FTCDNL1: variants seen among roughly 807,000 people sequenced by gnomAD.
FTCDNL1 encodes formiminotransferase N-terminal subdomain-containing protein.
In FTCDNL1, 11 loss-of-function variants were observed where a neutral mutation model predicts 5.9. The observed-to-expected ratio is 1.87, with a 90% confidence interval of 1.18 to 3.10. The LOEUF (loss-of-function observed/expected upper bound fraction) is 3.10, where lower values mean the gene tolerates loss of function less well. Among genes scored for constraint, FTCDNL1 ranks in the 30% most tolerant of loss-of-function variants. The pLI is 0.00. For missense variants in FTCDNL1, 115 were observed against 65.5 expected (o/e 1.76, Z -2.61); for synonymous variants, 58 against 24.8 (o/e 2.34, Z -3.99).
the FTCDNL1 span, among the ~76,000 whole-genome samples, chr2:199,693,420 T>C: frequency 1.3e-5 from 2 of 152,246 alleles, no homozygotes; most frequent in African/African-American, 4.8e-5. Flanking sequence ...GTATACTTTT[T>C]ACTCCATGAC....
At chr2:199,838,999 C>T (rs1559241822) in intron 3 of FTCDNL1, among the ~76,000 whole-genome samples, 6 of 151,638 alleles carry the variant, frequency 4.0e-5, no homozygotes, top group Admixed American at 3.3e-4. Context: ...GAGGAAAGAC[C>T]AAAAAAATAC....
chr2:199,736,713 G>A, the FTCDNL1 span, among the ~76,000 whole-genome samples: 1 of 152,224 alleles, frequency 6.6e-6, no homozygotes, highest in Non-Finnish European at 1.5e-5. Context: ...CTTGACTAGT[G>A]TCATTCGGCA....
chr2:199,783,887 G>A (rs922183983), intron 3 of FTCDNL1, among the ~76,000 whole-genome samples: 1 of 152,050 alleles, frequency 6.6e-6, no homozygotes, highest in African/African-American at 2.4e-5. Flanking sequence ...GTTCAACCAT[G>A]CTACAATGCT....
At chr2:199,817,932 T>C (rs1323033537) in intron 4 of FTCDNL1, among the ~76,000 whole-genome samples, 1 of 152,212 alleles carries the variant, frequency 6.6e-6, no homozygotes, top group East Asian at 1.9e-4. Flanking sequence ...AGTTTGTTCT[T>C]AGGAAACTAA....
At chr2:199,818,203 G>A (rs937414121) in intron 4 of FTCDNL1, among the ~76,000 whole-genome samples, 3 of 152,132 alleles carry the variant, frequency 2.0e-5, no homozygotes, top group Non-Finnish European at 4.4e-5. Context: ...CTTTAGGGAG[G>A]CTCAAATTAG....
At chr2:199,681,571 A>C in the FTCDNL1 span, among the ~76,000 whole-genome samples, 10 of 152,198 alleles carry the variant, frequency 6.6e-5, no homozygotes, top group African/African-American at 2.4e-4. Context: ...AAAGGGGATG[A>C]GAGCAAGTTC....
chr2:199,747,064 CAT>C, the FTCDNL1 span, among the ~76,000 whole-genome samples: 33 of 144,076 alleles, frequency 2.3e-4, no homozygotes, highest in African/African-American at 7.5e-4. Flanking sequence ...CACACACACA[CAT>C]ACACACACAA....
downstream of FTCDNL1, among the ~76,000 whole-genome samples, chr2:199,759,329 T>C (rs559182450): frequency 1.3e-5 from 2 of 151,340 alleles, no homozygotes; most frequent in East Asian, 3.9e-4. Flanking sequence ...TTCATATAGG[T>C]ATTATTTGTG....
At position 199,812,734 on chromosome 2, in the gene FTCDNL1, A is replaced by C; in HGVS notation, c.398-10T>G. The C allele has an allele frequency of 1.4e-6, 1 of 698,580 alleles. No homozygotes were observed. The highest frequency in any genetic ancestry group is 2.6e-6 in the Non-Finnish European group (1 of 383,450). The allele number at this position is 698,580 out of a possible 1,614,324, so 43.3% of individuals were successfully genotyped here. A position where few individuals can be genotyped will look rare whatever the true frequency, so the allele number is the denominator to read the frequency against. On this transcript the variant is annotated splice_polypyrimidine_tract_variant and intron_variant, in intron 4 of 4. Transcript: ENST00000420128. ...AACGCCCTGAAGCAAGCTAAAAACA[A>C]GGAAAAAAATCTTTGGTATGATTTC... is the stretch of plus-strand genomic sequence containing the variant.
chr2:199,801,473 T>C (rs1700446472), intron 3 of FTCDNL1, among the ~76,000 whole-genome samples: 1 of 151,816 alleles, frequency 6.6e-6, no homozygotes, highest in African/African-American at 2.4e-5. Flanking sequence ...ATGGTGAGAC[T>C]CCGTCTCTAT....
chr2:199,716,922 T>G, the FTCDNL1 span, among the ~76,000 whole-genome samples: 1 of 152,036 alleles, frequency 6.6e-6, no homozygotes, highest in African/African-American at 2.4e-5. Context: ...TGCCCCTAAT[T>G]AAGGGCTTGG....
intron 3 of FTCDNL1, among the ~76,000 whole-genome samples, chr2:199,776,947 GATGTGTGTATAT>G (rs1559177794): frequency 7.1e-6 from 1 of 140,678 alleles, no homozygotes; most frequent in East Asian, 2.3e-4. Context: ...CACACACAGA[GATGTGTGTATAT>G]GTGTGTGTGT....
chr2:199,703,736 G>A, the FTCDNL1 span, among the ~76,000 whole-genome samples: 65 of 152,214 alleles, frequency 4.3e-4, no homozygotes, highest in East Asian at 4.6e-3. Flanking sequence ...TAACAAACCT[G>A]CACATGTACC....
chr2:199,718,676 T>TA, the FTCDNL1 span, among the ~76,000 whole-genome samples: 1 of 152,202 alleles, frequency 6.6e-6, no homozygotes, highest in African/African-American at 2.4e-5. Context: ...TAACAGTGTA[T>TA]AAGCATTCCC....
intron 3 of FTCDNL1, among the ~76,000 whole-genome samples, chr2:199,840,276 CA>C (rs780904536): frequency 1.1e-4 from 17 of 152,036 alleles, no homozygotes; most frequent in Admixed American, 2.6e-4. Context: ...AACAAATTAT[CA>C]AAAAGATAAT....
chr2:199,841,593 T>A (rs1201224957), intron 3 of FTCDNL1, among the ~76,000 whole-genome samples: 1 of 152,160 alleles, frequency 6.6e-6, no homozygotes, highest in Non-Finnish European at 1.5e-5. Context: ...TCACGATGAA[T>A]CATTTAGAAC....
intron 2 of FTCDNL1, among the ~76,000 whole-genome samples, chr2:199,847,622 A>C (rs966386816): frequency 2.0e-5 from 3 of 152,236 alleles, no homozygotes; most frequent in African/African-American, 7.2e-5. Context: ...TGGTATTTGT[A>C]ATGGAGTATA....
the FTCDNL1 span, among the ~76,000 whole-genome samples, chr2:199,732,066 A>G: frequency 6.6e-6 from 1 of 152,188 alleles, no homozygotes; most frequent in Non-Finnish European, 1.5e-5. Flanking sequence ...CCAATTTAAC[A>G]TGTTCACTGT....
the FTCDNL1 span, among the ~76,000 whole-genome samples, chr2:199,728,271 G>A: frequency 4.7e-5 from 7 of 149,750 alleles, no homozygotes; most frequent in East Asian, 7.8e-4. Flanking sequence ...TTTTTGAGAC[G>A]GGGTCTTGCT....
Sources: allele counts gnomAD v4.1 joint callset (sites outside exome capture counted in the v4.1 genomes callset), GRCh38; gene constraint gnomAD v4.1.1; transcripts MANE v1.5; gene names NCBI Gene and HGNC (gene_info 2026-07-23, HGNC 2026-07-21).